The following FAM241A variants were observed in gnomAD, a reference collection of about 807,000 sequenced individuals.
FAM241A encodes the protein uncharacterized protein FAM241A.
FAM241A carries 7 observed loss-of-function variants against 12.2 expected under a neutral mutation model. The ratio of observed to expected loss-of-function variants is 0.58; its 90% CI spans 0.33 to 1.08. FAM241A has a LOEUF of 1.08. Among genes scored for constraint, FAM241A ranks in the 50% least tolerant of loss-of-function variants. The probability of loss-of-function intolerance (pLI) is 0.04; values close to 1 mark genes in which losing one functional copy is unlikely to be tolerated. For missense variants in FAM241A, 161 were observed against 169.7 expected (o/e 0.95, Z 0.29); for synonymous variants, 74 against 68.2 (o/e 1.08, Z -0.42).
chr4:112,177,655 C>T (rs901463317), intron 1 of FAM241A, among the ~76,000 whole-genome samples: 2 of 152,108 alleles, frequency 1.3e-5, no homozygotes, highest in Non-Finnish European at 2.9e-5. Flanking sequence ...GGCTTTCCTA[C>T]TCTACCATTA....
intron 1 of FAM241A, among the ~76,000 whole-genome samples, chr4:112,176,129 A>G (rs1269316302): frequency 6.6e-6 from 1 of 152,240 alleles, no homozygotes; most frequent in Non-Finnish European, 1.5e-5. Flanking sequence ...TTCTGTGGGT[A>G]GAGATGTTCC....
chr4:112,162,710 A>T (rs1218736660), intron 1 of FAM241A, among the ~76,000 whole-genome samples: 1 of 152,244 alleles, frequency 6.6e-6, no homozygotes, highest in Non-Finnish European at 1.5e-5. Context: ...GGAAGAATCA[A>T]TATCATGAAA....
At chr4:112,168,613 A>G (rs2110428516) in intron 1 of FAM241A, among the ~76,000 whole-genome samples, 1 of 152,272 alleles carries the variant, frequency 6.6e-6, no homozygotes, top group South Asian at 2.1e-4. Context: ...AATTATTGAT[A>G]AGTTAATTTT....
At chr4:112,179,725 T>TTA (rs1560585356) in intron 1 of FAM241A, among the ~76,000 whole-genome samples, 11 of 146,766 alleles carry the variant, frequency 7.5e-5, no homozygotes, top group Non-Finnish European at 1.3e-4. Flanking sequence ...ATATATATAT[T>TTA]AAAAAAAAGA....
chr4:112,186,105 A>G lies in FAM241A; in HGVS notation c.154-588A>G, dbSNP rs765243530. On this transcript the variant is annotated intron_variant, in intron 1 of 1. Coordinates refer to ENST00000309733, the MANE Select transcript of FAM241A (RefSeq NM_152400.3). Reference sequence around the variant, plus strand: ...TATGTATAATTGGGTGCATGTAGACATTTTCTGGGATACTAACTACTGGGT... The same window carrying G: ...TATGTATAATTGGGTGCATGTAGACGTTTTCTGGGATACTAACTACTGGGT... 6.8e-4 allele frequency among the ~76,000 whole-genome samples: 103 copies of G among 152,036 alleles called. 1 individual carries two copies. The highest frequency in any genetic ancestry group is 4.7e-4 in the Non-Finnish European group (32 of 68,010).
intron 1 of FAM241A, among the ~76,000 whole-genome samples, chr4:112,150,982 GT>G (rs1723236004): frequency 6.6e-6 from 1 of 152,226 alleles, no homozygotes; most frequent in African/African-American, 2.4e-5. Context: ...GCAATTTTAA[GT>G]TTTCCAGCCT....
Position 112,171,394 on chromosome 4 carries a change from A to G in FAM241A, c.154-15299A>G, listed in dbSNP as rs1327299323. ...GCTAAGCCAATTTTCTGGAAATAAA[A>G]CTACAAAGATGATTGTGCTAAGGCT... On this transcript the variant is annotated intron_variant, in intron 1 of 1. Transcript: ENST00000309733. The G allele has an allele frequency of 2.6e-5, 20 of 767,556 alleles. No homozygotes were observed. In the Admixed American group the frequency reaches 3.4e-4, roughly 13 times the overall value. 47.5% of individuals were successfully genotyped at this position (767,556 alleles called of 1,614,324 possible). A position where few individuals can be genotyped will look rare whatever the true frequency, so the allele number is the denominator to read the frequency against.
intron 1 of FAM241A, among the ~76,000 whole-genome samples, chr4:112,179,793 TA>T (rs1723892240): frequency 6.8e-6 from 1 of 147,066 alleles, no homozygotes; most frequent in Non-Finnish European, 1.5e-5. Flanking sequence ...TATACCCAAA[TA>T]AAATAAATCG....
rs80120901 is a variant in FAM241A at position 112,156,449 on chromosome 4, C to T, written c.153+10716C>T. Reference sequence around the variant, plus strand: ...TCTTCCTTGTTAATATGTTTATTCTCTGCCACTCCTCACTGCCCTCTCCAC... The same window carrying T: ...TCTTCCTTGTTAATATGTTTATTCTTTGCCACTCCTCACTGCCCTCTCCAC... On this transcript the variant is annotated intron_variant, in intron 1 of 1. Transcript: ENST00000309733. Among the ~76,000 whole-genome samples the T allele has an allele frequency of 1.3e-3, 205 of 152,294 alleles. 5 individuals carry two copies. The East Asian group carries it at 0.037, about 28-fold the overall frequency.
chr4:112,184,882 C>T (rs1015839999), intron 1 of FAM241A, among the ~76,000 whole-genome samples: 8 of 151,932 alleles, frequency 5.3e-5, no homozygotes, highest in African/African-American at 1.9e-4. Flanking sequence ...CTGAAATGAT[C>T]AAGCTTTGGT....
chr4:112,180,326 C>G (rs185237809), intron 1 of FAM241A, among the ~76,000 whole-genome samples: 2 of 152,172 alleles, frequency 1.3e-5, no homozygotes, highest in Non-Finnish European at 2.9e-5. Flanking sequence ...TGTAACAAAC[C>G]TGCACATGTG....
At chr4:112,167,762 A>G (rs191863443) in intron 1 of FAM241A, among the ~76,000 whole-genome samples, 380 of 152,348 alleles carry the variant, frequency 2.5e-3, no homozygotes, top group African/African-American at 8.6e-3. Context: ...ACAGCACTTA[A>G]CCTTACTCTT....
chr4:112,150,974 A>C (rs1373991563), intron 1 of FAM241A, among the ~76,000 whole-genome samples: 2 of 152,214 alleles, frequency 1.3e-5, no homozygotes, highest in Non-Finnish European at 2.9e-5. Context: ...TGAGAAAGGC[A>C]ATTTTAAGTT....
intron 1 of FAM241A, among the ~76,000 whole-genome samples, chr4:112,166,358 T>A (rs2110427370): frequency 6.6e-6 from 1 of 152,160 alleles, no homozygotes; most frequent in Admixed American, 6.5e-5. Context: ...TTTTAAATGT[T>A]TTTTAAAAGT....
Position 112,186,727 on chromosome 4 carries a change from C to T in FAM241A, c.188C>T (p.Pro63Leu), listed in dbSNP as rs200706775. The change falls in exon 2 of 2, where the codon CCG becomes CTG. Residue 63 changes from proline (P) to leucine (L), a missense_variant. Transcript: ENST00000309733. ...VEDSQNHTGE[P>L]VGDDYKKMGT... ...GACTCACAGAACCACACTGGTGAGCCGGTTGGAGATGACTACAAGAAAATG... is the reference window on the plus strand; with the variant it reads ...GACTCACAGAACCACACTGGTGAGCTGGTTGGAGATGACTACAAGAAAATG... 16 of 1,612,172 alleles carry T rather than the reference C, an allele frequency of 9.9e-6. No individual in the cohort carries two copies. Among genetic ancestry groups the T allele is most frequent in the East Asian group, 4.5e-5 (2 of 44,844 alleles).
intron 1 of FAM241A, among the ~76,000 whole-genome samples, chr4:112,174,113 A>G (rs1163359351): frequency 6.6e-6 from 1 of 152,104 alleles, no homozygotes; most frequent in East Asian, 1.9e-4. Context: ...TGGAATCTCA[A>G]TTCCAGGTAG....
Position 112,188,486 on chromosome 4 carries a change from C to G in FAM241A, c.*1548C>G, listed in dbSNP as rs1269485135. 1.3e-5 allele frequency: 2 copies of G among 152,112 alleles called. No homozygotes were observed. Among genetic ancestry groups the G allele is most frequent in the Admixed American group, 6.5e-5 (1 of 15,278 alleles). 9.4% of individuals were successfully genotyped at this position (152,112 alleles called of 1,614,324 possible). ...TATTGCACATTTATATAAATACAGT[C>G]CTTTTAAAATTTGACTTTTAAAAAA... On this transcript the variant is annotated 3_prime_UTR_variant, in exon 2 of 2. Transcript: ENST00000309733.
chr4:112,165,842 A>G (rs1329522624), intron 1 of FAM241A, among the ~76,000 whole-genome samples: 1 of 152,196 alleles, frequency 6.6e-6, no homozygotes, highest in African/African-American at 2.4e-5. Flanking sequence ...CTAGTATTTG[A>G]TAGTACAACA....
intron 1 of FAM241A, among the ~76,000 whole-genome samples, chr4:112,152,843 C>A (rs969728035): frequency 6.6e-6 from 1 of 152,158 alleles, no homozygotes; most frequent in Non-Finnish European, 1.5e-5. Flanking sequence ...GTCAGAGATT[C>A]AATTTCCTCA....
Sources: gnomAD v4.1 joint callset for allele counts (sites outside exome capture counted in the v4.1 genomes callset) on GRCh38, gnomAD v4.1.1 for gene constraint, MANE v1.5 for transcripts, NCBI Gene and HGNC (gene_info 2026-07-23, HGNC 2026-07-21) for gene names.